The following SP140 variants were observed in gnomAD, a reference collection of about 807,000 sequenced individuals.
The protein encoded by SP140 is nuclear body protein SP140.
SP140 carries 81 observed loss-of-function variants against 125.0 expected under a neutral mutation model. The ratio of observed to expected loss-of-function variants is 0.65; its 90% confidence interval spans 0.54 to 0.78. The LOEUF is 0.78. Ranked by LOEUF, SP140 falls within the 30% of genes least tolerant of loss-of-function variation. SP140 has a pLI of 0.00. For missense variants in SP140, 858 were observed against 1,037.0 expected (o/e 0.83, Z 2.37); for synonymous variants, 312 against 354.0 (o/e 0.88, Z 1.33).
At chr2:230,308,902 A>G (rs2059068590) in intron 22 of SP140, among the ~76,000 whole-genome samples, 2 of 152,270 alleles carry the variant, frequency 1.3e-5, no homozygotes, top group Admixed American at 1.3e-4. Flanking sequence ...TTTCACTTGA[A>G]CGGCAAAGGG....
At chr2:230,248,432 C>T (rs539395750) in intron 8 of SP140, among the ~76,000 whole-genome samples, 6 of 151,824 alleles carry the variant, frequency 4.0e-5, no homozygotes, top group Admixed American at 2.0e-4. Context: ...TGCAGGTTCC[C>T]GGAGGAGTGG....
intron 12 of SP140, among the ~76,000 whole-genome samples, chr2:230,256,761 A>G (rs1337509235): frequency 6.6e-6 from 1 of 152,166 alleles, no homozygotes; most frequent in African/African-American, 2.4e-5. Flanking sequence ...TTTTTTCACA[A>G]ACTTGACAAA....
At chr2:230,206,595 T>TCATATATATATA (rs2043840701) in intron 1 of SP140, among the ~76,000 whole-genome samples, 1 of 70,508 alleles carries the variant, frequency 1.4e-5, no homozygotes, top group African/African-American at 4.8e-5. Context: ...GGTCCAGATT[T>TCATATATATATA]TATATATATA....
At chr2:230,221,801 C>A, upstream of SP140, 1 of 1,310,716 alleles carries the variant, frequency 7.6e-7, no homozygotes, top group Non-Finnish European at 1.1e-6. Context: ...AGAGATACAC[C>A]AGGCAAATGC....
chr2:230,245,168 A>T (rs1340630794), intron 6 of SP140, 88 bp downstream of exon 6: 6 of 800,418 alleles, frequency 7.5e-6, no homozygotes, highest in Non-Finnish European at 1.2e-5. Context: ...TCCACCACCA[A>T]CCCTGTAACA....
At chr2:230,277,360 G>A (rs1358810594) in intron 15 of SP140, among the ~76,000 whole-genome samples, 4 of 152,078 alleles carry the variant, frequency 2.6e-5, no homozygotes, top group Admixed American at 6.6e-5. Flanking sequence ...ATTACATTTA[G>A]CAATAAAGTA....
intron 15 of SP140, among the ~76,000 whole-genome samples, chr2:230,281,056 G>T (rs1010114085): frequency 1.3e-5 from 2 of 152,014 alleles, no homozygotes; most frequent in Non-Finnish European, 1.5e-5. Context: ...GGAATCTATG[G>T]TGTGGCTAAT....
intron 22 of SP140, among the ~76,000 whole-genome samples, chr2:230,307,976 TATATATATATATATACACACACAC>T (rs2058944367): frequency 1.1e-5 from 1 of 91,114 alleles, no homozygotes; most frequent in African/African-American, 3.9e-5. Flanking sequence ...TATATATATA[TATATATATATATATACACACACAC>T]ACACACACAC....
chr2:230,213,034 T>C (rs1325008993), intron 1 of SP140: 2 of 1,613,692 alleles, frequency 1.2e-6, no homozygotes, highest in Non-Finnish European at 1.7e-6. Context: ...CCAACTGGGA[T>C]TGGTGAAGGG....
intron 15 of SP140, among the ~76,000 whole-genome samples, chr2:230,282,431 C>T (rs897601705): frequency 3.3e-5 from 5 of 152,170 alleles, no homozygotes; most frequent in Admixed American, 2.0e-4. Context: ...CCCATGAAGA[C>T]ACCACCCCAT....
intron 23 of SP140, 37 bp downstream of exon 23, chr2:230,310,076 A>G (rs2059193425): frequency 2.5e-6 from 4 of 1,601,092 alleles, no homozygotes; most frequent in Non-Finnish European, 3.4e-6. Flanking sequence ...TTTGTCCTTT[A>G]AGGGATCTTC....
rs1452631154 is a variant in SP140, at chr2:230,307,982, TATATATATACACAC to T, written c.2059-1940_2059-1927del. Reference sequence around the variant, plus strand: ...ATATATATATATATATATATATATATATATATATACACACACACACACACACACACACACAGAGA... The same window carrying T: ...ATATATATATATATATATATATATATACACACACACACACACACACAGAGA... On this transcript the variant is annotated intron_variant, in intron 22 of 26. Coordinates refer to ENST00000392045, the MANE Select transcript of SP140 (RefSeq NM_007237.5). Among the ~76,000 whole-genome samples, 16 of 93,616 alleles carry T rather than the reference TATATATATACACAC, an allele frequency of 1.7e-4. 1 individual carries two copies. Among genetic ancestry groups the T allele is most frequent in the South Asian group, 7.6e-4 (2 of 2,648 alleles). The allele number at this position is 93,616 out of a possible 152,430, so 61.4% of individuals were successfully genotyped here. A position where few individuals can be genotyped will look rare whatever the true frequency, so the allele number is the denominator to read the frequency against.
At chr2:230,255,382 A>G in intron 11 of SP140, 70 bp from the exon 12 acceptor site, 1 of 1,551,596 alleles carries the variant, frequency 6.4e-7, no homozygotes, top group Non-Finnish European at 8.9e-7. Context: ...CATCTTCACT[A>G]AGTTTTCTCT....
intron 1 of SP140, among the ~76,000 whole-genome samples, chr2:230,231,309 C>T (rs1436270170): frequency 2.6e-5 from 4 of 152,124 alleles, no homozygotes; most frequent in South Asian, 2.1e-4. Flanking sequence ...TGCCTTTTGG[C>T]ATGTCTTATA....
At chr2:230,307,990 T>TATATATATAC (rs869070046) in intron 22 of SP140, among the ~76,000 whole-genome samples, 43 of 52,604 alleles carry the variant, frequency 8.2e-4, no homozygotes, top group South Asian at 5.1e-3. Flanking sequence ...TATATATATA[T>TATATATATAC]ACACACACAC....
At position 230,294,299 on chromosome 2, in the gene SP140, T is replaced by C; in HGVS notation, c.1997T>C (p.Ile666Thr). ...ENGFLPDPPR[I>T]RYRKKKRILK... Reference sequence around the variant, plus strand: ...GGATTTCTGCCTGATCCTCCAAGAATACGTTACAGGAAAAAAAAGGTGATT... The same window carrying C: ...GGATTTCTGCCTGATCCTCCAAGAACACGTTACAGGAAAAAAAAGGTGATT... The change falls in exon 21 of 27, where the codon ATA (isoleucine) becomes ACA (threonine). Residue 666 changes from isoleucine (I) to threonine (T), a missense_variant. Ile to Thr is a moderately conservative substitution (Grantham distance 89). Around this residue, in one of 4 missense-constraint regions of SP140, gnomAD observed 791 missense variants for 869.5 expected, o/e 0.91. Transcript: ENST00000392045. 6.2e-7 allele frequency: 1 copy of C among 1,612,736 alleles called. No homozygotes were observed.
intron 22 of SP140, among the ~76,000 whole-genome samples, chr2:230,304,293 G>A (rs942481332): frequency 6.6e-6 from 1 of 152,122 alleles, no homozygotes; most frequent in Non-Finnish European, 1.5e-5. Context: ...GCTCGTGGAT[G>A]GGTAGAATCA....
At chr2:230,280,465 T>G (rs2055375923) in intron 15 of SP140, among the ~76,000 whole-genome samples, 1 of 152,230 alleles carries the variant, frequency 6.6e-6, no homozygotes, top group Non-Finnish European at 1.5e-5. Context: ...ATAGGTAAAT[T>G]TCAATTTGTT....
At chr2:230,300,849 A>G (rs1008845275) in intron 22 of SP140, among the ~76,000 whole-genome samples, 2 of 152,242 alleles carry the variant, frequency 1.3e-5, no homozygotes, top group Non-Finnish European at 2.9e-5. Flanking sequence ...TTATTCAGCT[A>G]CTCAAGGAGA....
Sources: allele counts gnomAD v4.1 joint callset (sites outside exome capture counted in the v4.1 genomes callset), GRCh38; gene constraint gnomAD v4.1.1; regional missense constraint gnomAD v4.1.1; transcripts MANE v1.5; gene names NCBI Gene and HGNC (gene_info 2026-07-23, HGNC 2026-07-21).